ITGA5: variants seen among roughly 807,000 people sequenced by gnomAD.
The protein encoded by ITGA5 is integrin alpha-5.
Under a neutral mutation model 146.3 loss-of-function variants are expected in ITGA5, and 55 were observed. That is an observed-to-expected ratio of 0.38 (90% CI 0.30 to 0.47). The LOEUF (loss-of-function observed/expected upper bound fraction) is 0.47. Ranked by LOEUF, ITGA5 falls within the 20% of genes least tolerant of loss-of-function variation. The pLI, the probability that ITGA5 is intolerant of heterozygous loss-of-function variation, is 0.99. For missense variants in ITGA5, 1,131 were observed against 1,329.0 expected, an observed-to-expected ratio of 0.85 and a Z score of 2.32; for synonymous variants, 500 against 531.8, an observed-to-expected ratio of 0.94 and a Z score of 0.82.
Position 54,419,124 on chromosome 12 carries a change from C to T in ITGA5, c.75G>A (p.Leu25=). 6.3e-7 allele frequency: 1 copy of T among 1,590,608 alleles called. No homozygotes were observed. Among genetic ancestry groups the T allele is most frequent in the Non-Finnish European group, 8.5e-7 (1 of 1,171,612 alleles). ...LRWGPRRRPP[L]LPLLLLLLPP... Reference sequence around the variant, plus strand: ...GCAGCAGCAGCAACAGCAGCGGCAGCAGCGGGGGTCGGCGCCGGGGGCCCC... The same window carrying T: ...GCAGCAGCAGCAACAGCAGCGGCAGTAGCGGGGGTCGGCGCCGGGGGCCCC... Residue 25 remains leucine, a synonymous_variant, in exon 1 of 30, where the codon CTG becomes CTA. Coordinates refer to ENST00000293379, the MANE Select transcript of ITGA5 (RefSeq NM_002205.5).
chr12:54,405,079 A>G, intron 12 of ITGA5, 87 bp downstream of exon 12: 1 of 1,319,106 alleles, frequency 7.6e-7, no homozygotes, highest in Non-Finnish European at 1.0e-6. Context: ...AGGTCTGGGT[A>G]TCTTAGCTGA....
intron 7 of ITGA5, 33 bp downstream of exon 7, chr12:54,408,077 C>T (rs1274245672): frequency 6.2e-7 from 1 of 1,613,014 alleles, no homozygotes; most frequent in South Asian, 1.1e-5. Context: ...TGAGGTTCTC[C>T]CTCTGCCATC....
At chr12:54,396,626 A>G (rs1283361506) in intron 29 of ITGA5, among the ~76,000 whole-genome samples, 1 of 152,198 alleles carries the variant, frequency 6.6e-6, no homozygotes, top group Non-Finnish European at 1.5e-5. Flanking sequence ...TAAGCCAGAA[A>G]TGGCAGATAG....
At position 54,409,491 on chromosome 12, in the gene ITGA5, GGAGGAGCCATGGGCTC is replaced by G; in HGVS notation, c.440_455del (p.Arg147ProfsTer18). Reference sequence around the variant, plus strand: ...GAGCTTGCTGGCCCCTCACCAAGATGGAGGAGCCATGGGCTCGAACTGTTGCCCCGAACCACTGCAA... The same window carrying G: ...GAGCTTGCTGGCCCCTCACCAAGATGGAACTGTTGCCCCGAACCACTGCAA... On this transcript the variant is annotated frameshift_variant, in exon 3 of 30. Transcript: ENST00000293379. LOFTEE classifies it high-confidence loss of function. The surrounding 1 kb of genome is among the most constrained non-coding windows in gnomAD (Gnocchi z 4.7). 6.2e-7 allele frequency: 1 copy of G among 1,611,728 alleles called. No individual in the cohort carries two copies. The highest frequency in any genetic ancestry group is 8.5e-7 in the Non-Finnish European group (1 of 1,177,840).
chr12:54,401,944 GT>G lies in ITGA5; in HGVS notation c.2226+56del. On this transcript the variant is annotated intron_variant, in intron 21 of 29. Coordinates refer to ENST00000293379, the MANE Select transcript of ITGA5 (RefSeq NM_002205.5). The surrounding 1 kb of genome is among the most constrained non-coding windows in gnomAD (Gnocchi z 5.0). ...TCACAGCTGTGCTCTCGGCTGGCTG[GT>G]TACCGCCCTCAGGTCTGCTCTCCCT... 1 of 1,599,990 alleles carries G rather than the reference GT, an allele frequency of 6.3e-7. No individual in the cohort carries two copies. The highest frequency in any genetic ancestry group is 1.1e-5 in the South Asian group (1 of 90,780).
rs936558713 is a variant in ITGA5, at chr12:54,408,130, A to T, written c.797T>A (p.Ile266Asn). ...CTCACCTAGGTAGCTGTCATCATAG[A>T]TGGAACTGGCCTGGCGAGTCTGCAG... is the stretch of plus-strand genomic sequence containing the variant. ...GQLQTRQASS[I>N]YDDSYLGYSV... Residue 266 changes from isoleucine to asparagine, a missense_variant, in exon 7 of 30, where the codon ATC (isoleucine) becomes AAC (asparagine). Coordinates refer to ENST00000293379, the MANE Select transcript of ITGA5 (RefSeq NM_002205.5). 6.2e-7 allele frequency: 1 copy of T among 1,614,106 alleles called. No homozygotes were observed. The highest frequency in any genetic ancestry group is 2.2e-5 in the East Asian group (1 of 44,880).
rs573426715 is a variant in ITGA5, at chr12:54,408,616, C to G, written c.691+140G>C. ...TGGCAGGCGCCTGTAATCCCAGCTA[C>G]TTGGGAGGCTGAGGCAGGAGAATCG... On this transcript the variant is annotated intron_variant, in intron 6 of 29. Coordinates refer to ENST00000293379, the MANE Select transcript of ITGA5 (RefSeq NM_002205.5). 1.9e-5 allele frequency: 15 copies of G among 780,510 alleles called. No individual in the cohort carries two copies. In the South Asian group the frequency reaches 2.6e-4, roughly 14 times the overall value. The allele number at this position is 780,510 out of a possible 1,614,324, so 48.3% of individuals were successfully genotyped here. A position where few individuals can be genotyped will look rare whatever the true frequency, so the allele number is the denominator to read the frequency against.
At chr12:54,405,521 C>G (rs1190450782) in intron 11 of ITGA5, 143 bp downstream of exon 11, 4 of 1,028,390 alleles carry the variant, frequency 3.9e-6, no homozygotes, top group Non-Finnish European at 5.8e-6. Context: ...CTTTCCTTGT[C>G]CCTGAGCAAG....
chr12:54,401,575 T>A lies in ITGA5; in HGVS notation c.2387+10A>T. The stretch of plus-strand genomic sequence containing the variant: ...CCTCTCAGAAAGACCCCATTTTGCC[T>A]GGCACTGACCCGTTCAGGGTGACCT... On this transcript the variant is annotated intron_variant, in intron 23 of 29. Coordinates refer to ENST00000293379, the MANE Select transcript of ITGA5 (RefSeq NM_002205.5). This position sits in a 1 kb window ranked among gnomAD's most constrained non-coding sequence, Gnocchi z 5.0. 1 of 1,613,774 alleles carries A rather than the reference T, an allele frequency of 6.2e-7. No individual in the cohort carries two copies. Among genetic ancestry groups the A allele is most frequent in the Non-Finnish European group, 8.5e-7 (1 of 1,179,668 alleles).
chr12:54,412,112 A>C, intron 1 of ITGA5, 148 bp from the exon 2 acceptor site: 1 of 584,698 alleles, frequency 1.7e-6, no homozygotes, highest in South Asian at 2.7e-5. Context: ...AGAAGATGCC[A>C]CAGATGCCAG....
chr12:54,396,091 G>T lies in ITGA5; in HGVS notation c.*202C>A. On this transcript the variant is annotated 3_prime_UTR_variant, in exon 30 of 30. Coordinates refer to ENST00000293379, the MANE Select transcript of ITGA5 (RefSeq NM_002205.5). ...CATGAAGAGGGTATGTGTAAACAAGGGTCCTTCACAGTGCATGGGGGGGAG... is the reference window on the plus strand; with the variant it reads ...CATGAAGAGGGTATGTGTAAACAAGTGTCCTTCACAGTGCATGGGGGGGAG... 5 of 562,724 alleles carry T rather than the reference G, an allele frequency of 8.9e-6. No individual in the cohort carries two copies. The South Asian group carries it at 1.1e-4, about 12-fold the overall frequency. The allele number at this position is 562,724 out of a possible 1,614,324, so 34.9% of individuals were successfully genotyped here. A position where few individuals can be genotyped will look rare whatever the true frequency, so the allele number is the denominator to read the frequency against.
intron 28 of ITGA5, 63 bp from the exon 29 acceptor site, chr12:54,397,550 C>T: frequency 6.3e-7 from 1 of 1,595,536 alleles, no homozygotes; most frequent in Admixed American, 1.7e-5. Flanking sequence ...TATACTTGGC[C>T]CCCACTTGTC....
chr12:54,403,458 G>A lies in ITGA5; in HGVS notation c.1777-134C>T, dbSNP rs1377891936. ...CATCCTCATTGTTTCAGAGGCCCTG[G>A]CAGCCTGCTTCCCAGCTCCTCTGAC... On this transcript the variant is annotated intron_variant, in intron 17 of 29. Transcript: ENST00000293379. The surrounding 1 kb of genome is among the most constrained non-coding windows in gnomAD (Gnocchi z 4.9). 1 of 1,291,472 alleles carries A rather than the reference G, an allele frequency of 7.7e-7. No homozygotes were observed. The highest frequency in any genetic ancestry group is 1.5e-5 in the South Asian group (1 of 66,040). The allele number at this position is 1,291,472 out of a possible 1,614,324, so 80.0% of individuals were successfully genotyped here.
rs1255485726 is a variant in ITGA5 at position 54,405,157 on chromosome 12, G to C, written c.1225+9C>G. The stretch of plus-strand genomic sequence containing the variant: ...CTCCTCTTTCACTCTCTGAGCCCAT[G>C]GTACTCACCATTGTAGCCATCCTGG... On this transcript the variant is annotated intron_variant, in intron 12 of 29. Transcript: ENST00000293379. The C allele has an allele frequency of 6.4e-7, 1 of 1,574,308 alleles. No homozygotes were observed. Among genetic ancestry groups the C allele is most frequent in the East Asian group, 2.3e-5 (1 of 44,392 alleles).
chr12:54,408,842 C>T, intron 5 of ITGA5, 41 bp from the exon 6 acceptor site: 1 of 1,612,714 alleles, frequency 6.2e-7, no homozygotes, highest in African/African-American at 1.3e-5. Context: ...TGGTCCCAAT[C>T]CCCCCATGTC....
At chr12:54,396,582 G>T (rs76951434) in intron 29 of ITGA5, among the ~76,000 whole-genome samples, 2 of 152,192 alleles carry the variant, frequency 1.3e-5, no homozygotes, top group Admixed American at 6.5e-5. Flanking sequence ...TGTATGGGGG[G>T]TATCTTTTAC....
intron 11 of ITGA5, 26 bp from the exon 12 acceptor site, chr12:54,405,400 T>G (rs1224543318): frequency 1.3e-6 from 2 of 1,550,672 alleles, no homozygotes; most frequent in African/African-American, 2.7e-5. Flanking sequence ...AACCCAGGCA[T>G]CTCGATACCC....
chr12:54,397,228 T>G, intron 29 of ITGA5, 137 bp downstream of exon 29: 2 of 845,036 alleles, frequency 2.4e-6, no homozygotes, highest in Non-Finnish European at 3.8e-6. Context: ...AGGGTTAGGA[T>G]GGGATGCATG....
At chr12:54,398,856 T>TTC in intron 27 of ITGA5, 158 bp from the exon 28 acceptor site, 2 of 510,008 alleles carry the variant, frequency 3.9e-6, no homozygotes, top group South Asian at 5.1e-5. Context: ...TTTTTTTTTT[T>TTC]TGAGACTAGG....
Sources: gnomAD v4.1 joint callset for allele counts (sites outside exome capture counted in the v4.1 genomes callset) on GRCh38, gnomAD v4.1.1 for gene constraint, Gnocchi (gnomAD v3.1) non-coding constraint, MANE v1.5 for transcripts, NCBI Gene and HGNC (gene_info 2026-07-23, HGNC 2026-07-21) for gene names.